GAB2: variants seen among roughly 807,000 people sequenced by gnomAD.
GAB2 encodes the protein GRB2-associated-binding protein 2.
A neutral mutation model predicts 65.5 loss-of-function variants in GAB2; 26 were observed. The observed-to-expected ratio is 0.40, with a 90% CI of 0.29 to 0.55. The LOEUF (loss-of-function observed/expected upper bound fraction) is 0.55. Ranked by LOEUF, GAB2 falls within the 20% of genes least tolerant of loss-of-function variation. The pLI is 0.53. For missense variants in GAB2, 884 were observed against 875.8 expected (o/e 1.01, Z -0.12); for synonymous variants, 321 against 329.6 (o/e 0.97, Z 0.28).
At chr11:78,250,453 TC>T (rs1426081355) in intron 2 of GAB2, 53 bp from the exon 3 acceptor site, 1 of 1,527,060 alleles carries the variant, frequency 6.5e-7, no homozygotes, top group African/African-American at 1.4e-5. Context: ...TGTATCCTTA[TC>T]CCAAAGTGAG....
In GAB2 at chr11:78,289,814, C is replaced by CTTTT. The variant is rs56926225; in HGVS notation, c.76-8917_76-8914dup. Among the ~76,000 whole-genome samples the CTTTT allele has an allele frequency of 2.1e-3, 173 of 83,656 alleles. 4 individuals carry two copies. The highest frequency in any genetic ancestry group is 8.0e-3 in the African/African-American group (166 of 20,878). 54.9% of individuals were successfully genotyped at this position (83,656 alleles called of 152,430 possible). A position where few individuals can be genotyped will look rare whatever the true frequency, so the allele number is the denominator to read the frequency against. ...CGGTTTTGGAAAGGAAGAACAGGAC[C>CTTTT]TTTTTTTTTTTTTTTTTTTTTTTTT... On this transcript the variant is annotated intron_variant, in intron 1 of 9. Coordinates refer to ENST00000361507, the MANE Select transcript of GAB2 (RefSeq NM_080491.3).
At chr11:78,285,253 G>T (rs117533921) in intron 1 of GAB2, among the ~76,000 whole-genome samples, 2 of 152,296 alleles carry the variant, frequency 1.3e-5, no homozygotes, top group East Asian at 3.9e-4. Flanking sequence ...TGGTATGCAG[G>T]TGCAAGCACA....
chr11:78,250,925 G>A (rs1361840495), intron 2 of GAB2, among the ~76,000 whole-genome samples: 1 of 152,130 alleles, frequency 6.6e-6, no homozygotes, highest in African/African-American at 2.4e-5. Context: ...CATAAAGACG[G>A]AAACAGTAGA....
At chr11:78,387,649 A>G (rs1294741064) in intron 1 of GAB2, among the ~76,000 whole-genome samples, 1 of 152,244 alleles carries the variant, frequency 6.6e-6, no homozygotes, top group Non-Finnish European at 1.5e-5. Context: ...AAAATCCACA[A>G]ATAAATGACA....
chr11:78,398,021 TACACACACACAC>T (rs1554999817), intron 1 of GAB2, among the ~76,000 whole-genome samples: 1 of 112,480 alleles, frequency 8.9e-6, no homozygotes, highest in Non-Finnish European at 1.9e-5. Context: ...TGTGAATAGC[TACACACACACAC>T]ACACACACAT....
At position 78,254,349 on chromosome 11, in the gene GAB2, ATG is replaced by A. The variant is rs542567476; in HGVS notation, c.377-3951_377-3950del. Among the ~76,000 whole-genome samples, 8 of 152,268 alleles carry A rather than the reference ATG, an allele frequency of 5.3e-5. 1 individual carries two copies. The East Asian group carries it at 1.4e-3, about 26-fold the overall frequency. ...TTTTCCCTGGCGCAAAAATCCAAAT[ATG>A]TGTGTTTCTTGTGGTCAAAATCAGA... On this transcript the variant is annotated intron_variant, in intron 2 of 9. Coordinates refer to ENST00000361507, the MANE Select transcript of GAB2 (RefSeq NM_080491.3).
At chr11:78,242,550 A>G (rs1033601240) in intron 3 of GAB2, among the ~76,000 whole-genome samples, 1 of 152,174 alleles carries the variant, frequency 6.6e-6, no homozygotes, top group Non-Finnish European at 1.5e-5. Flanking sequence ...GTCTGGAAAC[A>G]AATGAAAATA....
At chr11:78,298,276 G>A (rs533618645) in intron 1 of GAB2, among the ~76,000 whole-genome samples, 2 of 152,290 alleles carry the variant, frequency 1.3e-5, no homozygotes, top group Middle Eastern at 3.4e-3. Context: ...CAGAATATGG[G>A]AGATACCGGA....
At chr11:78,307,604 TAGAGAGAGAG>T (rs59402607) in intron 1 of GAB2, among the ~76,000 whole-genome samples, 9 of 121,938 alleles carry the variant, frequency 7.4e-5, no homozygotes, top group East Asian at 2.5e-4. Flanking sequence ...CAAAAAATGT[TAGAGAGAGAG>T]AGAGAGAGAG....
At chr11:78,225,248 T>A in intron 4 of GAB2, 46 bp from the exon 5 acceptor site, 9 of 1,259,634 alleles carry the variant, frequency 7.1e-6, no homozygotes, top group Non-Finnish European at 1.0e-5. Flanking sequence ...TTGATTCATG[T>A]GTTGACACTT....
At chr11:78,363,127 A>G (rs1197604599) in intron 1 of GAB2, among the ~76,000 whole-genome samples, 1 of 152,218 alleles carries the variant, frequency 6.6e-6, no homozygotes, top group Non-Finnish European at 1.5e-5. Flanking sequence ...CAGATACACA[A>G]TTTCTTACTT....
chr11:78,296,020 G>T (rs1326049823), intron 1 of GAB2, among the ~76,000 whole-genome samples: 1 of 152,214 alleles, frequency 6.6e-6, no homozygotes, highest in African/African-American at 2.4e-5. Flanking sequence ...GGATGAAACT[G>T]TTCCACTTCA....
intron 1 of GAB2, among the ~76,000 whole-genome samples, chr11:78,359,729 G>A (rs1338326321): frequency 6.6e-6 from 1 of 152,128 alleles, no homozygotes; most frequent in Non-Finnish European, 1.5e-5. Context: ...GAAAATACCG[G>A]CCAACAATAA....
In GAB2 at chr11:78,250,223, G is replaced by C; in HGVS notation, c.554C>G (p.Ser185Cys). Residue 185 changes from serine (S) to cysteine (C), a missense_variant, in exon 3 of 10, where the codon TCC becomes TGC. Ser to Cys is a moderately radical substitution (Grantham distance 112). Transcript: ENST00000361507. The part of the protein sequence containing the change: ...PVSNHMQPTL[S>C]TSAPQEYLYL... ...GAGATACTCCTGAGGTGCGCTGGTG[G>C]ACAAGGTGGGCTGCATGTGGTTTGA... The C allele has an allele frequency of 6.2e-7, 1 of 1,613,396 alleles. No individual in the cohort carries two copies. Among genetic ancestry groups the C allele is most frequent in the Non-Finnish European group, 8.5e-7 (1 of 1,179,914 alleles).
At chr11:78,260,118 G>A (rs1865691008) in intron 2 of GAB2, among the ~76,000 whole-genome samples, 1 of 152,196 alleles carries the variant, frequency 6.6e-6, no homozygotes, top group South Asian at 2.1e-4. Context: ...GAACTATAAA[G>A]CGGAGGAAGA....
At chr11:78,221,036 A>C (rs1864397663) in intron 8 of GAB2, among the ~76,000 whole-genome samples, 2 of 152,216 alleles carry the variant, frequency 1.3e-5, no homozygotes, top group South Asian at 4.1e-4. Flanking sequence ...ACAAGCCCGC[A>C]TTTCTTCAGA....
At chr11:78,390,766 C>A (rs1296126001) in intron 1 of GAB2, among the ~76,000 whole-genome samples, 1 of 152,196 alleles carries the variant, frequency 6.6e-6, no homozygotes, top group African/African-American at 2.4e-5. Context: ...AAATTAGACA[C>A]TGAAGTAGAA....
chr11:78,362,529 C>T (rs1314665715), intron 1 of GAB2, among the ~76,000 whole-genome samples: 1 of 151,924 alleles, frequency 6.6e-6, no homozygotes, highest in African/African-American at 2.4e-5. Flanking sequence ...AGGTAAGGTA[C>T]AACACTACAC....
chr11:78,317,707 TC>T, intron 1 of GAB2, among the ~76,000 whole-genome samples: 1 of 152,282 alleles, frequency 6.6e-6, no homozygotes, highest in East Asian at 1.9e-4. Flanking sequence ...CTTTGCTCCT[TC>T]CTTTCCTCCT....
Sources: gnomAD v4.1 joint callset for allele counts (sites outside exome capture counted in the v4.1 genomes callset) on GRCh38, gnomAD v4.1.1 for gene constraint, MANE v1.5 for transcripts, NCBI Gene and HGNC (gene_info 2026-07-23, HGNC 2026-07-21) for gene names.